LARGE1: variants seen among roughly 807,000 people sequenced by gnomAD.
LARGE1 encodes the protein xylosyl- and glucuronyltransferase LARGE1.
LARGE1 carries 43 observed loss-of-function variants against 87.6 expected under a neutral mutation model. The ratio of observed to expected loss-of-function variants is 0.49; its 90% CI spans 0.38 to 0.63. The LOEUF is 0.63. LARGE1 is among the 30% of genes least tolerant of loss of function. LARGE1 has a pLI of 0.00. For synonymous variants in LARGE1, 434 were observed against 394.6 expected (o/e 1.10, Z -1.18); for missense variants, 802 against 1,000.2 (o/e 0.80, Z 2.67).
intron 6 of LARGE1, among the ~76,000 whole-genome samples, chr22:33,563,852 T>C (rs2077939203): frequency 6.6e-6 from 1 of 152,038 alleles, no homozygotes; most frequent in Non-Finnish European, 1.5e-5. Flanking sequence ...TGGTGAAGAC[T>C]TTCCTCAATT....
intron 11 of LARGE1, among the ~76,000 whole-genome samples, chr22:33,255,326 G>A (rs1463795812): frequency 6.6e-6 from 1 of 152,188 alleles, no homozygotes; most frequent in Non-Finnish European, 1.5e-5. Flanking sequence ...TAGCAGGAAA[G>A]GAGTAGAGCT....
intron 6 of LARGE1, among the ~76,000 whole-genome samples, chr22:33,563,904 C>T (rs1161704529): frequency 6.6e-6 from 1 of 152,048 alleles, no homozygotes; most frequent in African/African-American, 2.4e-5. Context: ...CAGGGAGTGA[C>T]CAGGGCAAGC....
intron 6 of LARGE1, among the ~76,000 whole-genome samples, chr22:33,445,647 CT>C (rs201398589): frequency 0.082 from 11,084 of 135,860 alleles, 463 homozygotes; most frequent in African/African-American, 0.15. Flanking sequence ...AAGGGGGCCA[CT>C]TTTTTTTTTT....
chr22:33,613,757 T>C (rs996132031), intron 4 of LARGE1, among the ~76,000 whole-genome samples: 1 of 152,162 alleles, frequency 6.6e-6, no homozygotes, highest in African/African-American at 2.4e-5. Context: ...GGTCTTGCAT[T>C]CACTGCTGCA....
intron 1 of LARGE1, among the ~76,000 whole-genome samples, chr22:33,895,778 G>A (rs1246702709): frequency 2.0e-5 from 3 of 152,132 alleles, no homozygotes; most frequent in East Asian, 1.9e-4. Context: ...GACATCCTTC[G>A]CCTCTGCTCT....
intron 11 of LARGE1, among the ~76,000 whole-genome samples, chr22:33,245,112 T>C (rs1926697723): frequency 6.6e-6 from 1 of 152,256 alleles, no homozygotes; most frequent in Non-Finnish European, 1.5e-5. Flanking sequence ...CCATCTTTTC[T>C]CATTATTAAC....
downstream of LARGE1, among the ~76,000 whole-genome samples, chr22:33,270,629 T>C (rs1424703123): frequency 6.6e-6 from 1 of 152,186 alleles, no homozygotes; most frequent in Non-Finnish European, 1.5e-5. Context: ...CTTGGTTCAA[T>C]AAAGGGTAGT....
At chr22:33,421,405 G>A (rs1373430420) in intron 7 of LARGE1, among the ~76,000 whole-genome samples, 1 of 152,152 alleles carries the variant, frequency 6.6e-6, no homozygotes, top group Admixed American at 6.5e-5. Flanking sequence ...GAATAAGGGA[G>A]CTAGTAACAG....
chr22:33,488,817 T>C (rs1359365476), intron 6 of LARGE1, among the ~76,000 whole-genome samples: 2 of 152,218 alleles, frequency 1.3e-5, no homozygotes, highest in Non-Finnish European at 2.9e-5. Flanking sequence ...GTCATCATTC[T>C]AGACATAACC....
intron 2 of LARGE1, among the ~76,000 whole-genome samples, chr22:33,686,593 GC>G (rs10711148): frequency 1 from 150,730 of 150,730 alleles, 75,365 homozygotes; most frequent in Non-Finnish European, 1. Context: ...AACTTAACAA[GC>G]CTGCACAGGT....
chr22:33,362,434 T>C (rs2064420577), intron 9 of LARGE1, among the ~76,000 whole-genome samples: 2 of 149,768 alleles, frequency 1.3e-5, no homozygotes, highest in Non-Finnish European at 3.0e-5. Flanking sequence ...CCAAAGGATA[T>C]ACACTTTTGC....
At chr22:33,574,376 TG>T (rs1210423845) in intron 5 of LARGE1, among the ~76,000 whole-genome samples, 3 of 152,204 alleles carry the variant, frequency 2.0e-5, no homozygotes, top group African/African-American at 7.2e-5. Flanking sequence ...GTAAAAATTA[TG>T]TAAACAGTTG....
At chr22:33,764,492 T>C (rs1377088279) in intron 1 of LARGE1, among the ~76,000 whole-genome samples, 1 of 152,184 alleles carries the variant, frequency 6.6e-6, no homozygotes, top group Non-Finnish European at 1.5e-5. Context: ...TACAGGTGGC[T>C]CATGCCTGTA....
chr22:33,880,802 C>T lies in LARGE1; in HGVS notation c.-83+39193G>A, dbSNP rs2064656788. ...CTCTTACTTTTGACATACATATTAA[C>T]ATAAGTATATGCTTCTCCCTCACAC... On this transcript the variant is annotated intron_variant, in intron 1 of 14. Transcript: ENST00000397394. Among the ~76,000 whole-genome samples, 5 of 152,154 alleles carry T rather than the reference C, an allele frequency of 3.3e-5. No individual in the cohort carries two copies. The South Asian group carries it at 1.0e-3, about 32-fold the overall frequency.
chr22:33,837,748 T>G (rs1276656280), intron 1 of LARGE1, among the ~76,000 whole-genome samples: 1 of 152,168 alleles, frequency 6.6e-6, no homozygotes, highest in Admixed American at 6.6e-5. Context: ...AATGAGAACT[T>G]CAAGAGGCTC....
chr22:33,391,581 T>C (rs1457551300), intron 7 of LARGE1, among the ~76,000 whole-genome samples: 1 of 152,052 alleles, frequency 6.6e-6, no homozygotes, highest in Non-Finnish European at 1.5e-5. Flanking sequence ...TTGCTGAATA[T>C]CTAGCAGGTA....
chr22:33,648,952 T>C (rs1206475066), intron 3 of LARGE1, among the ~76,000 whole-genome samples: 1 of 152,162 alleles, frequency 6.6e-6, no homozygotes, highest in South Asian at 2.1e-4. Context: ...AACGAATGGA[T>C]AAATAAATGA....
intron 9 of LARGE1, among the ~76,000 whole-genome samples, chr22:33,352,866 T>A (rs138914316): frequency 0.011 from 1,602 of 152,312 alleles, 31 homozygotes; most frequent in African/African-American, 0.037. Flanking sequence ...AAGTCTAACA[T>A]CCTTCCAAAT....
intron 2 of LARGE1, among the ~76,000 whole-genome samples, chr22:33,710,998 G>A (rs2082715193): frequency 6.6e-6 from 1 of 152,122 alleles, no homozygotes; most frequent in Non-Finnish European, 1.5e-5. Context: ...GAAATCATTC[G>A]CTCATCATTT....
Sources: gnomAD v4.1 joint callset for allele counts (sites outside exome capture counted in the v4.1 genomes callset) on GRCh38, gnomAD v4.1.1 for gene constraint, MANE v1.5 for transcripts, NCBI Gene and HGNC (gene_info 2026-07-23, HGNC 2026-07-21) for gene names.